AP1B1: variants seen among roughly 807,000 people sequenced by gnomAD.
AP1B1 encodes adaptor related protein complex 1 subunit beta 1.
A neutral mutation model predicts 104.3 loss-of-function variants in AP1B1; 36 were observed. The ratio of observed to expected loss-of-function variants is 0.35; its 90% CI spans 0.26 to 0.46. The LOEUF (loss-of-function observed/expected upper bound fraction) is 0.46. Among genes scored for constraint, AP1B1 ranks in the 20% least tolerant of loss-of-function variants. The pLI is 1.00. For synonymous variants in AP1B1, 504 were observed against 517.5 expected (o/e 0.97, Z 0.35); for missense variants, 901 against 1,247.9 (o/e 0.72, Z 4.19).
chr22:29,370,981 T>C (rs539964475), intron 1 of AP1B1, among the ~76,000 whole-genome samples: 2 of 152,228 alleles, frequency 1.3e-5, no homozygotes, highest in African/African-American at 4.8e-5. Flanking sequence ...CCCTCTGAAG[T>C]TGTTTCATAT....
intron 17 of AP1B1, chr22:29,333,021 T>G (rs1034586002): frequency 1.6e-4 from 24 of 152,604 alleles, no homozygotes; most frequent in African/African-American, 5.8e-4. Flanking sequence ...CACAGTAAGT[T>G]TGCTAGAGGC....
chr22:29,379,837 A>T (rs1179611739), intron 1 of AP1B1, among the ~76,000 whole-genome samples: 1 of 152,206 alleles, frequency 6.6e-6, no homozygotes, highest in South Asian at 2.1e-4. Flanking sequence ...TTAAATCAAC[A>T]CTAGCTGGGG....
chr22:29,335,520 C>T (rs879879855), intron 16 of AP1B1, among the ~76,000 whole-genome samples: 1 of 152,144 alleles, frequency 6.6e-6, no homozygotes, highest in Non-Finnish European at 1.5e-5. Flanking sequence ...AGAGGTGCCA[C>T]CAGCATCTAA....
In AP1B1 at chr22:29,328,548, GCT is replaced by G. The variant is rs1032618849; in HGVS notation, c.*271_*272del. 7.5e-5 allele frequency: 32 copies of G among 424,566 alleles called. No homozygotes were observed. Among genetic ancestry groups the G allele is most frequent in the Non-Finnish European group, 1.2e-4 (28 of 229,984 alleles). The allele number at this position is 424,566 out of a possible 1,614,324, so 26.3% of individuals were successfully genotyped here. ...AGGCACAGCTTCTGTGGCTGCTCTG[GCT>G]CTGTTTCCTTTGGTCCCCACCTCAC... On this transcript the variant is annotated 3_prime_UTR_variant, in exon 23 of 23. Coordinates refer to ENST00000357586, the MANE Select transcript of AP1B1 (RefSeq NM_001127.4). The surrounding 1 kb of genome is among the most constrained non-coding windows in gnomAD (Gnocchi z 4.1).
intron 1 of AP1B1, among the ~76,000 whole-genome samples, chr22:29,382,097 C>A (rs2062445687): frequency 6.6e-6 from 1 of 152,054 alleles, no homozygotes; most frequent in Non-Finnish European, 1.5e-5. Context: ...TGCTCTGTCA[C>A]CCAGGCTAGA....
chr22:29,362,890 G>A (rs2062073224), intron 3 of AP1B1, 111 bp downstream of exon 3: 2 of 683,122 alleles, frequency 2.9e-6, no homozygotes, highest in South Asian at 1.7e-5. Context: ...AGCTGTATGA[G>A]GGGAGACATG....
intron 17 of AP1B1, among the ~76,000 whole-genome samples, chr22:29,334,062 C>A (rs2061601571): frequency 1.3e-5 from 2 of 152,180 alleles, no homozygotes; most frequent in African/African-American, 4.8e-5. Flanking sequence ...GAGACTCTGT[C>A]TCCAAAAGAA....
At chr22:29,347,253 G>T (rs1204719452) in intron 11 of AP1B1, among the ~76,000 whole-genome samples, 1 of 152,078 alleles carries the variant, frequency 6.6e-6, no homozygotes, top group Non-Finnish European at 1.5e-5. Context: ...CCCCTTTTTG[G>T]CCTGGACTAG....
At position 29,333,174 on chromosome 22, in the gene AP1B1, C is replaced by A. The variant is rs116331513; in HGVS notation, c.2309+1091G>T. 479 of 154,880 alleles carry A rather than the reference C, an allele frequency of 3.1e-3. 3 individuals carry two copies. The highest frequency in any genetic ancestry group is 0.011 in the African/African-American group (459 of 41,650). The allele number at this position is 154,880 out of a possible 1,614,324, so 9.6% of individuals were successfully genotyped here. Reference sequence around the variant, plus strand: ...CCCCAGGCTTCCTTGGGGAAGCAGCCCCTTCAGTCAACTTCTTAGAGGCTC... The same window carrying A: ...CCCCAGGCTTCCTTGGGGAAGCAGCACCTTCAGTCAACTTCTTAGAGGCTC... On this transcript the variant is annotated intron_variant, in intron 17 of 22. Coordinates refer to ENST00000357586, the MANE Select transcript of AP1B1 (RefSeq NM_001127.4).
chr22:29,342,335 GCTT>G lies in AP1B1; in HGVS notation c.1483_1485del (p.Lys495del). ...TGCACCAGCTCCTGGGTCTCTGTTG[GCTT>G]CTTTAGAAAGAGTTTCACAATGGCT... On this transcript the variant is annotated inframe_deletion, in exon 12 of 23. Coordinates refer to ENST00000357586, the MANE Select transcript of AP1B1 (RefSeq NM_001127.4). The G allele has an allele frequency of 6.2e-7, 1 of 1,614,146 alleles. No individual in the cohort carries two copies. Among genetic ancestry groups the G allele is most frequent in the Non-Finnish European group, 8.5e-7 (1 of 1,180,006 alleles).
At position 29,328,765 on chromosome 22, in the gene AP1B1, C is replaced by A; in HGVS notation, c.*56G>T. 1.3e-6 allele frequency: 2 copies of A among 1,567,000 alleles called. No homozygotes were observed. Among genetic ancestry groups the A allele is most frequent in the South Asian group, 2.3e-5 (2 of 85,564 alleles). On this transcript the variant is annotated 3_prime_UTR_variant, in exon 23 of 23. Transcript: ENST00000357586. This position sits in a 1 kb window ranked among gnomAD's most constrained non-coding sequence, Gnocchi z 4.1. ...TGCGAGGAGGAAGATGTGCTGCCCCCGAGGGGCCTCCTCGATGGGGCGGGC... is the reference window on the plus strand; with the variant it reads ...TGCGAGGAGGAAGATGTGCTGCCCCAGAGGGGCCTCCTCGATGGGGCGGGC...
rs529520746 is a variant in AP1B1 at position 29,365,330 on chromosome 22, C to T, written c.37+1877G>A. Reference sequence around the variant, plus strand: ...CACATCTCTCTTCCCAAAAGAAATCCACTAAAAAACCCCAACCCCAAAATA... The same window carrying T: ...CACATCTCTCTTCCCAAAAGAAATCTACTAAAAAACCCCAACCCCAAAATA... On this transcript the variant is annotated intron_variant, in intron 2 of 22. Coordinates refer to ENST00000357586, the MANE Select transcript of AP1B1 (RefSeq NM_001127.4). Among the ~76,000 whole-genome samples, 10 of 152,208 alleles carry T rather than the reference C, an allele frequency of 6.6e-5. No homozygotes were observed. The South Asian group carries it at 2.1e-3, about 32-fold the overall frequency.
At chr22:29,354,174 G>A (rs942534284) in intron 7 of AP1B1, among the ~76,000 whole-genome samples, 4 of 152,182 alleles carry the variant, frequency 2.6e-5, no homozygotes, top group Non-Finnish European at 4.4e-5. Context: ...CTAGAGCTAC[G>A]GACTCTGTCC....
chr22:29,345,506 G>T (rs903075716), intron 11 of AP1B1, among the ~76,000 whole-genome samples: 28 of 148,326 alleles, frequency 1.9e-4, no homozygotes, highest in African/African-American at 7.0e-4. Context: ...CAAGTAGCTG[G>T]GACTACAGGG....
chr22:29,376,393 T>G, intron 1 of AP1B1, among the ~76,000 whole-genome samples: 1 of 152,056 alleles, frequency 6.6e-6, no homozygotes. Context: ...ATCAGTGTGG[T>G]GAGATGAGGC....
At chr22:29,331,958 G>T in intron 17 of AP1B1, 42 bp from the exon 18 acceptor site, 1 of 1,575,884 alleles carries the variant, frequency 6.3e-7, no homozygotes, top group Non-Finnish European at 8.6e-7. Flanking sequence ...GGGGGAGTAG[G>T]TGCTGATGCG....
chr22:29,329,037 T>C, intron 22 of AP1B1, 142 bp from the exon 23 acceptor site: 1 of 1,459,452 alleles, frequency 6.9e-7, no homozygotes, highest in Non-Finnish European at 9.0e-7. Context: ...CTGGCACAGA[T>C]GTGAGGTAAA....
At chr22:29,337,413 G>T (rs891189192) in intron 16 of AP1B1, among the ~76,000 whole-genome samples, 1 of 152,202 alleles carries the variant, frequency 6.6e-6, no homozygotes, top group African/African-American at 2.4e-5. Flanking sequence ...GACCCTGCCA[G>T]GGGCTCCAGT....
At chr22:29,378,813 C>T (rs1394410801) in intron 1 of AP1B1, among the ~76,000 whole-genome samples, 3 of 131,746 alleles carry the variant, frequency 2.3e-5, no homozygotes, top group African/African-American at 8.8e-5. Context: ...GAGCTGAGAT[C>T]GTGTCACTGC....
Sources: allele counts gnomAD v4.1 joint callset (sites outside exome capture counted in the v4.1 genomes callset), GRCh38; gene constraint gnomAD v4.1.1; non-coding constraint Gnocchi (gnomAD v3.1); transcripts MANE v1.5; gene names NCBI Gene and HGNC (gene_info 2026-07-23, HGNC 2026-07-21).